NCOR2: variants seen among roughly 807,000 people sequenced by gnomAD.
The protein encoded by NCOR2 is CTG repeat protein 26.
A neutral mutation model predicts 262.9 loss-of-function variants in NCOR2; 81 were observed. The ratio of observed to expected loss-of-function variants is 0.31; its 90% confidence interval spans 0.26 to 0.37. NCOR2 has a LOEUF of 0.37. Ranked by LOEUF, NCOR2 falls within the 10% of genes least tolerant of loss-of-function variation. The pLI is 1.00. For missense variants in NCOR2, 3,385 were observed against 3,621.4 expected (o/e 0.93, Z 1.68); for synonymous variants, 1,659 against 1,559.3 (o/e 1.06, Z -1.51).
intron 7 of NCOR2, among the ~76,000 whole-genome samples, chr12:124,447,795 C>A (rs557005535): frequency 6.6e-6 from 1 of 151,962 alleles, no homozygotes; most frequent in East Asian, 1.9e-4. Flanking sequence ...CTCCTGGGCT[C>A]AAGCGATTCT....
intron 13 of NCOR2, among the ~76,000 whole-genome samples, chr12:124,411,382 C>A (rs532113119): frequency 6.6e-6 from 1 of 152,052 alleles, no homozygotes; most frequent in Non-Finnish European, 1.5e-5. Context: ...GGAGAGTGGA[C>A]GGCAGCAGTC....
intron 20 of NCOR2, among the ~76,000 whole-genome samples, chr12:124,365,932 C>T (rs1366143390): frequency 6.6e-6 from 1 of 152,168 alleles, no homozygotes; most frequent in Non-Finnish European, 1.5e-5. Flanking sequence ...GCTTCAACTG[C>T]CGCCACCCCT....
At chr12:124,435,201 C>T (rs1215325546) in intron 8 of NCOR2, among the ~76,000 whole-genome samples, 1 of 152,234 alleles carries the variant, frequency 6.6e-6, no homozygotes, top group African/African-American at 2.4e-5. Flanking sequence ...CTGAGGTCCC[C>T]AGCCCATCTC....
rs530164463 is a variant in NCOR2 at position 124,543,832 on chromosome 12, G to T, written c.-164-8221C>A. ...GGCAGCACGGAAAGGCCAGCTGTCC[G>T]TCCACCTGTCTGTCCAGCCCCCTCA... On this transcript the variant is annotated intron_variant, in intron 1 of 32. Coordinates refer to the NCOR2 transcript ENST00000458234. Among the ~76,000 whole-genome samples the T allele has an allele frequency of 2.6e-5, 4 of 152,334 alleles. No individual in the cohort carries two copies. In the East Asian group the frequency reaches 7.7e-4, roughly 29 times the overall value.
At chr12:124,417,234 CAGCAGGCCGGACACTCACTCCACGGAG>C (rs2042952150) in intron 13 of NCOR2, among the ~76,000 whole-genome samples, 2 of 101,544 alleles carry the variant, frequency 2.0e-5, no homozygotes, top group Admixed American at 9.9e-5. Context: ...ACTCCACGGA[CAGCAGGCCGGACACTCACTCCACGGAG>C]AGCAGGCCGG....
chr12:124,339,897 A>ATACCCCC, intron 37 of NCOR2, 109 bp downstream of exon 39: 1 of 176,238 alleles, frequency 5.7e-6, no homozygotes, highest in Non-Finnish European at 1.1e-5. Context: ...ACATCTGCCC[A>ATACCCCC]CCCACCCACC....
At chr12:124,367,601 C>T (rs2039141612) in intron 20 of NCOR2, among the ~76,000 whole-genome samples, 1 of 152,068 alleles carries the variant, frequency 6.6e-6, no homozygotes, top group Non-Finnish European at 1.5e-5. Context: ...CTCTCCCCAC[C>T]CTCCACTCTC....
At chr12:124,328,995 C>A in intron 44 of NCOR2, 1 of 399,594 alleles carries the variant, frequency 2.5e-6, no homozygotes, top group Non-Finnish European at 5.1e-6. Flanking sequence ...AGGGTGAGTG[C>A]TGAAATCACA....
chr12:124,446,315 C>T (rs1287613143), intron 7 of NCOR2, among the ~76,000 whole-genome samples: 1 of 152,226 alleles, frequency 6.6e-6, no homozygotes, highest in Non-Finnish European at 1.5e-5. Flanking sequence ...CCTGCAGCCA[C>T]CAAAGTGAAC....
intron 7 of NCOR2, among the ~76,000 whole-genome samples, chr12:124,448,098 A>G (rs2045295490): frequency 1.3e-5 from 2 of 152,222 alleles, no homozygotes; most frequent in Non-Finnish European, 2.9e-5. Flanking sequence ...CTGAATAGCC[A>G]AGGCCTAGAA....
chr12:124,358,456 G>C (rs997018481), intron 22 of NCOR2, among the ~76,000 whole-genome samples: 1 of 152,174 alleles, frequency 6.6e-6, no homozygotes, highest in Non-Finnish European at 1.5e-5. Context: ...GGGCAGTGGG[G>C]GGTTATAAGC....
chr12:124,530,636 G>A (rs776994863), intron 1 of NCOR2, among the ~76,000 whole-genome samples: 4 of 152,184 alleles, frequency 2.6e-5, no homozygotes, highest in Non-Finnish European at 5.9e-5. Context: ...TTGGGTCTGG[G>A]TTGAACCCCA....
intron 37 of NCOR2, among the ~76,000 whole-genome samples, chr12:124,337,740 G>A (rs1353664696): frequency 6.6e-6 from 1 of 152,244 alleles, no homozygotes; most frequent in Non-Finnish European, 1.5e-5. Context: ...TGAGAACAGA[G>A]AAAGCTGCTG....
chr12:124,329,345 C>T (rs1323961737), intron 44 of NCOR2, among the ~76,000 whole-genome samples: 1 of 151,924 alleles, frequency 6.6e-6, no homozygotes. Context: ...GTCTGTAATC[C>T]CGCTACTTGG....
At chr12:124,565,112 G>A (rs1263591123) in intron 1 of NCOR2, among the ~76,000 whole-genome samples, 2 of 152,106 alleles carry the variant, frequency 1.3e-5, no homozygotes, top group African/African-American at 4.8e-5. Flanking sequence ...GGAGAGCGCA[G>A]CCCCAGGAGG....
intron 1 of NCOR2, among the ~76,000 whole-genome samples, chr12:124,520,218 G>A (rs11610697): frequency 1.5e-3 from 232 of 152,270 alleles, no homozygotes; most frequent in Non-Finnish European, 2.7e-3. Context: ...CTACTCTTAC[G>A]CCTTCTTTTA....
At chr12:124,349,476 A>G (rs1289104171) in intron 28 of NCOR2, among the ~76,000 whole-genome samples, 2 of 152,202 alleles carry the variant, frequency 1.3e-5, no homozygotes, top group South Asian at 2.1e-4. Context: ...CGATGTTTAA[A>G]CATCGGGAGA....
At chr12:124,398,778 G>C (rs138784918) in intron 15 of NCOR2, among the ~76,000 whole-genome samples, 2 of 152,336 alleles carry the variant, frequency 1.3e-5, no homozygotes, top group Middle Eastern at 3.4e-3. Flanking sequence ...GTCCCCTAGT[G>C]GGGGAGTAAA....
In NCOR2 at chr12:124,386,245, T is replaced by C. The variant is rs974970874; in HGVS notation, c.1877-358A>G. Among the ~76,000 whole-genome samples, 4 of 151,996 alleles carry C rather than the reference T, an allele frequency of 2.6e-5. 1 individual carries two copies. The highest frequency in any genetic ancestry group is 5.9e-5 in the Non-Finnish European group (4 of 67,988). ...CTGTGAATATCCAGAACGCACAGCC[T>C]CTGCCCAGGCCCCACCTCTCCTGCT... On this transcript the variant is annotated intron_variant, in intron 16 of 46. Transcript: ENST00000405201.
Sources: gnomAD v4.1 joint callset for allele counts (sites outside exome capture counted in the v4.1 genomes callset) on GRCh38, gnomAD v4.1.1 for gene constraint, MANE v1.5 for transcripts, NCBI Gene and HGNC (gene_info 2026-07-23, HGNC 2026-07-21) for gene names.